Variants in C1orf87 observed in about 807,000 individuals in gnomAD.
C1orf87 encodes the protein chromosome 1 open reading frame 87.
Under a neutral mutation model 60.5 loss-of-function variants are expected in C1orf87, and 58 were observed. The observed-to-expected ratio is 0.96, with a 90% CI of 0.78 to 1.19. C1orf87 has a LOEUF of 1.19. Among genes scored for constraint, C1orf87 ranks in the 50% most tolerant of loss-of-function variants. The pLI is 0.00. For synonymous variants in C1orf87, 236 were observed against 227.4 expected (o/e 1.04, Z -0.34); for missense variants, 673 against 638.6 (o/e 1.05, Z -0.58).
intron 8 of C1orf87, chr1:60,010,752 C>A (rs552280835): frequency 1.6e-4 from 35 of 223,628 alleles, no homozygotes; most frequent in Non-Finnish European, 3.0e-4. Context: ...GTCTCAGTTT[C>A]CCCTAGCTAT....
At chr1:60,047,744 A>G (rs1645383346) in intron 3 of C1orf87, among the ~76,000 whole-genome samples, 1 of 151,272 alleles carries the variant, frequency 6.6e-6, no homozygotes, top group African/African-American at 2.4e-5. Flanking sequence ...AAAAAAAAAA[A>G]GAGAAAACCA....
chr1:60,049,980 C>CA (rs1288922742), intron 3 of C1orf87, among the ~76,000 whole-genome samples: 1 of 151,884 alleles, frequency 6.6e-6, no homozygotes, highest in African/African-American at 2.4e-5. Flanking sequence ...ATTCATGTGC[C>CA]AAAACCACAC....
chr1:60,022,582 T>A (rs1645171267), intron 8 of C1orf87, among the ~76,000 whole-genome samples: 1 of 152,114 alleles, frequency 6.6e-6, no homozygotes, highest in Admixed American at 6.5e-5. Flanking sequence ...ATGCACAAAT[T>A]TCTTTTTCCT....
rs1210784277 is a variant in C1orf87, at chr1:60,055,266, T to C, written c.280A>G (p.Lys94Glu). The change falls in exon 3 of 12, where the codon AAA becomes GAA. Residue 94 changes from lysine (K) to glutamate (E), a missense_variant. Transcript: ENST00000371201. Reference protein sequence around the residue: ...KEKKHPENNQKSENNQKLLTG... With the variant: ...KEKKHPENNQESENNQKLLTG... ...AGTAGTTTCTGGTTGTTTTCTGATT[T>C]CTGGTTGTTCTCTGGGTGCTTTTTC... The C allele has an allele frequency of 1.2e-6, 2 of 1,614,098 alleles. No homozygotes were observed. The highest frequency in any genetic ancestry group is 1.7e-6 in the Non-Finnish European group (2 of 1,180,040).
chr1:60,004,361 G>GTTA (rs1269651322), intron 9 of C1orf87, among the ~76,000 whole-genome samples: 2 of 151,978 alleles, frequency 1.3e-5, no homozygotes, highest in Admixed American at 6.6e-5. Context: ...CTGTTGTTGT[G>GTTA]TTATTATTAT....
At chr1:60,009,491 C>T (rs190853385) in intron 9 of C1orf87, among the ~76,000 whole-genome samples, 7 of 152,084 alleles carry the variant, frequency 4.6e-5, no homozygotes, top group Middle Eastern at 3.4e-3. Context: ...AATATACTCA[C>T]CATATTCTTT....
rs144671684 is a variant in C1orf87 at position 60,055,316 on chromosome 1, G to A, written c.230C>T (p.Thr77Ile). The change falls in exon 3 of 12, where the codon ACT becomes ATT. Residue 77 changes from threonine (T) to isoleucine (I), a missense_variant. Physicochemically the swap from Thr to Ile is moderately conservative, Grantham distance 89 (BLOSUM62 -1). Coordinates refer to ENST00000371201, the MANE Select transcript of C1orf87 (RefSeq NM_152377.3). ...VPINFTDQQT[T>I]DNPDDVKEKK... ...CTCTTTCACATCATCTGGATTATCA[G>A]TGGTTTGCTGATCAGTGAAGTTAAT... is the stretch of plus-strand genomic sequence containing the variant. 252 of 1,614,092 alleles carry A rather than the reference G, an allele frequency of 1.6e-4. 1 individual carries two copies. Among genetic ancestry groups the A allele is most frequent in the Admixed American group, 4.3e-4 (26 of 60,028 alleles).
chr1:60,066,891 A>G (rs111413830), intron 2 of C1orf87, among the ~76,000 whole-genome samples: 23 of 151,534 alleles, frequency 1.5e-4, no homozygotes, highest in Middle Eastern at 6.8e-3. Context: ...ATGTGTTTTC[A>G]TTGTTCACCT....
chr1:60,028,886 C>G (rs1243717033), intron 7 of C1orf87, among the ~76,000 whole-genome samples: 1 of 150,714 alleles, frequency 6.6e-6, no homozygotes, highest in Non-Finnish European at 1.5e-5. Context: ...TTTTGAATTT[C>G]CTTTCTTGGC....
chr1:60,028,513 G>A (rs1014643121), intron 7 of C1orf87, among the ~76,000 whole-genome samples: 1 of 152,130 alleles, frequency 6.6e-6, no homozygotes, highest in African/African-American at 2.4e-5. Flanking sequence ...ATGTTTCTAT[G>A]TAGTTTATTC....
intron 7 of C1orf87, among the ~76,000 whole-genome samples, chr1:60,031,128 C>T (rs1006424077): frequency 3.3e-5 from 5 of 152,090 alleles, no homozygotes; most frequent in Non-Finnish European, 7.4e-5. Flanking sequence ...ACAACCCCCA[C>T]AAAAAACCCC....
intron 9 of C1orf87, chr1:60,008,785 G>A (rs1444283368): frequency 2.3e-6 from 1 of 433,912 alleles, no homozygotes; most frequent in African/African-American, 2.0e-5. Flanking sequence ...CTTTGTAAGA[G>A]ATCCAAGTGC....
At chr1:60,027,714 AAG>A (rs71731292) in intron 7 of C1orf87, among the ~76,000 whole-genome samples, 22,991 of 152,028 alleles carry the variant, frequency 0.15, 1,820 homozygotes, top group Non-Finnish European at 0.17. Context: ...GGAAGCTTAA[AAG>A]AGGGGAAAAA....
chr1:60,000,613 A>AT, intron 10 of C1orf87, among the ~76,000 whole-genome samples: 1 of 152,020 alleles, frequency 6.6e-6, no homozygotes, highest in Middle Eastern at 3.4e-3. Flanking sequence ...TGCTTGCCAG[A>AT]TTTTTTTCTT....
intron 2 of C1orf87, among the ~76,000 whole-genome samples, chr1:60,059,501 A>G (rs1010537876): frequency 1.3e-5 from 2 of 152,138 alleles, no homozygotes; most frequent in Non-Finnish European, 2.9e-5. Flanking sequence ...CTTTCTGCAA[A>G]CCAGCCCATT....
chr1:59,998,921 C>T (rs779605875), intron 10 of C1orf87, among the ~76,000 whole-genome samples: 19 of 152,052 alleles, frequency 1.2e-4, no homozygotes, highest in Non-Finnish European at 2.4e-4. Context: ...TAATATGCTT[C>T]TCTATTCTTC....
In C1orf87 at chr1:60,046,278, CCTT is replaced by C. The variant is rs939685761; in HGVS notation, c.343-5150_343-5148del. ...TTCCTTTCTTTCTTTCTCTTTCTCTCCTTCTTTCTTTCTCTCTCTCTCTCCCTC... is the reference window on the plus strand; with the variant it reads ...TTCCTTTCTTTCTTTCTCTTTCTCTCCTTTCTTTCTCTCTCTCTCTCCCTC... On this transcript the variant is annotated intron_variant, in intron 3 of 11. Transcript: ENST00000371201. 5.9e-5 allele frequency among the ~76,000 whole-genome samples: 8 copies of C among 134,496 alleles called. 1 individual carries two copies. The highest frequency in any genetic ancestry group is 5.5e-4 in the South Asian group (2 of 3,628). 88.2% of individuals were successfully genotyped at this position (134,496 alleles called of 152,430 possible).
At chr1:60,059,685 C>T (rs1362310377) in intron 2 of C1orf87, among the ~76,000 whole-genome samples, 2 of 152,148 alleles carry the variant, frequency 1.3e-5, no homozygotes, top group East Asian at 1.9e-4. Context: ...CTGCCGAGAA[C>T]ATAAAATCTC....
chr1:60,003,039 T>C (rs1439705007), intron 9 of C1orf87, among the ~76,000 whole-genome samples: 2 of 150,796 alleles, frequency 1.3e-5, no homozygotes, highest in African/African-American at 4.9e-5. Flanking sequence ...TATTGTGGCA[T>C]TATTCACAAT....
Sources: gnomAD v4.1 joint callset for allele counts (sites outside exome capture counted in the v4.1 genomes callset) on GRCh38, gnomAD v4.1.1 for gene constraint, MANE v1.5 for transcripts, NCBI Gene and HGNC (gene_info 2026-07-23, HGNC 2026-07-21) for gene names.